Variants in MAMDC2 observed in about 807,000 individuals in gnomAD.
MAMDC2 encodes MAM domain containing 2.
Under a neutral mutation model 89.8 loss-of-function variants are expected in MAMDC2, and 57 were observed. The ratio of observed to expected loss-of-function variants is 0.63; its 90% CI spans 0.51 to 0.79. MAMDC2 has a LOEUF of 0.79. MAMDC2 is among the 30% of genes least tolerant of loss of function. The pLI is 0.00. For synonymous variants in MAMDC2, 313 were observed against 293.4 expected (o/e 1.07, Z -0.68); for missense variants, 800 against 820.6 (o/e 0.97, Z 0.31).
At position 70,113,082 on chromosome 9, in the gene MAMDC2, G is replaced by A. The variant is rs145652277; in HGVS notation, c.593G>A (p.Arg198Gln). 5.3e-5 allele frequency: 85 copies of A among 1,614,064 alleles called. No individual in the cohort carries two copies. The highest frequency in any genetic ancestry group is 2.2e-4 in the East Asian group (10 of 44,870). ...TGGTTTGTTGGAGGAGGAAGTATTC[G>A]GAATGTCCACTCCATTCTCCCACAG... ...VNWFVGGGSI[R>Q]NVHSILPQDH... Residue 198 changes from arginine (R) to glutamine (Q), a missense_variant, in exon 5 of 14, where the codon CGG (arginine) becomes CAG (glutamine). Transcript: ENST00000377182.
intron 2 of MAMDC2, among the ~76,000 whole-genome samples, chr9:70,058,172 C>T (rs1827065946): frequency 6.6e-6 from 1 of 152,190 alleles, no homozygotes; most frequent in South Asian, 2.1e-4. Flanking sequence ...TCACCAAACA[C>T]TGTGCTGAGT....
intron 2 of MAMDC2, among the ~76,000 whole-genome samples, chr9:70,096,199 G>C (rs1828023099): frequency 6.6e-6 from 1 of 151,886 alleles, no homozygotes; most frequent in Non-Finnish European, 1.5e-5. Context: ...TCTATGTACT[G>C]TAGAGATGGG....
chr9:70,139,457 T>TCC (rs2031125824), intron 7 of MAMDC2, among the ~76,000 whole-genome samples: 2 of 151,458 alleles, frequency 1.3e-5, no homozygotes, highest in Non-Finnish European at 2.9e-5. Context: ...AACTCATCAT[T>TCC]TTTTATGGCT....
At chr9:70,139,221 T>C (rs1414774993) in intron 7 of MAMDC2, among the ~76,000 whole-genome samples, 17 of 147,266 alleles carry the variant, frequency 1.2e-4, no homozygotes, top group Admixed American at 3.4e-4. Context: ...GCTGCACCCA[T>C]TAACTCGTCA....
chr9:70,081,744 G>A (rs1193067486), intron 2 of MAMDC2: 1 of 152,144 alleles, frequency 6.6e-6, no homozygotes, highest in Admixed American at 6.5e-5. Context: ...CTCCCAAAGA[G>A]TGTAGAAGCT....
intron 7 of MAMDC2, among the ~76,000 whole-genome samples, chr9:70,134,332 A>C (rs2030925286): frequency 8.8e-6 from 1 of 113,366 alleles, no homozygotes; most frequent in Admixed American, 1.1e-4. Flanking sequence ...ACCATCCCCC[A>C]CTTCCTTCTC....
chr9:70,148,655 G>A (rs1210231394), intron 9 of MAMDC2, among the ~76,000 whole-genome samples: 1 of 150,008 alleles, frequency 6.7e-6, no homozygotes, highest in Non-Finnish European at 1.5e-5. Flanking sequence ...AGCACTTTGG[G>A]AGGCCGAGAC....
chr9:70,162,187 A>C (rs773699957), intron 9 of MAMDC2, among the ~76,000 whole-genome samples: 1 of 152,208 alleles, frequency 6.6e-6, no homozygotes, highest in Non-Finnish European at 1.5e-5. Context: ...AGGTCATGGA[A>C]TCTACTCTAA....
chr9:70,140,243 G>A lies in MAMDC2; in HGVS notation c.1093G>A (p.Val365Ile), dbSNP rs1433090676. ...KEGPGWTRVKVKPNMYRAGDH... is the reference protein window; with the variant it reads ...KEGPGWTRVKIKPNMYRAGDH... ...AGGTCCAGGTTGGACCCGAGTGAAAGTAAAACCAAACATGTATCGGGCTGG... is the reference window on the plus strand; with the variant it reads ...AGGTCCAGGTTGGACCCGAGTGAAAATAAAACCAAACATGTATCGGGCTGG... Residue 365 changes from valine to isoleucine, a missense_variant, in exon 8 of 14, where the codon GTA becomes ATA. Physicochemically the swap from Val to Ile is conservative, Grantham distance 29. Coordinates refer to ENST00000377182, the MANE Select transcript of MAMDC2 (RefSeq NM_153267.5). 6 of 1,601,986 alleles carry A rather than the reference G, an allele frequency of 3.7e-6. No homozygotes were observed. Among genetic ancestry groups the A allele is most frequent in the Non-Finnish European group, 4.3e-6 (5 of 1,176,066 alleles).
intron 11 of MAMDC2, among the ~76,000 whole-genome samples, chr9:70,185,888 C>T (rs568645555): frequency 2.6e-4 from 40 of 152,242 alleles, no homozygotes; most frequent in African/African-American, 8.4e-4. Flanking sequence ...GGAAAGTGAA[C>T]GGTTCTGTCC....
chr9:70,142,699 G>A (rs543525933), intron 8 of MAMDC2, among the ~76,000 whole-genome samples: 1 of 152,286 alleles, frequency 6.6e-6, no homozygotes, highest in Non-Finnish European at 1.5e-5. Flanking sequence ...TCCTCTTGGT[G>A]TATGGAGGCA....
At chr9:70,204,321 G>C (rs923628530) in intron 11 of MAMDC2, among the ~76,000 whole-genome samples, 1 of 151,968 alleles carries the variant, frequency 6.6e-6, no homozygotes, top group Non-Finnish European at 1.5e-5. Context: ...TACTGTGTGA[G>C]GTGTCAGTGT....
intron 11 of MAMDC2, among the ~76,000 whole-genome samples, chr9:70,215,162 T>A (rs1477698278): frequency 6.6e-6 from 1 of 151,256 alleles, no homozygotes; most frequent in African/African-American, 2.4e-5. Context: ...AGCAAAGGAG[T>A]CACCAGTGAG....
intron 9 of MAMDC2, among the ~76,000 whole-genome samples, chr9:70,155,998 G>C (rs61265226): frequency 0.069 from 10,478 of 152,212 alleles, 576 homozygotes; most frequent in East Asian, 0.22. Flanking sequence ...CATTTACTAT[G>C]TAAATCAGAA....
At chr9:70,107,718 A>G (rs1260887109) in intron 2 of MAMDC2, among the ~76,000 whole-genome samples, 1 of 152,222 alleles carries the variant, frequency 6.6e-6, no homozygotes, top group Non-Finnish European at 1.5e-5. Context: ...AGTTAAATGC[A>G]GATTGAAACA....
At chr9:70,090,568 A>G (rs1471024095) in intron 2 of MAMDC2, 2 of 151,930 alleles carry the variant, frequency 1.3e-5, no homozygotes, top group Non-Finnish European at 2.9e-5. Flanking sequence ...TTTTTTATCT[A>G]TCAAATTGTT....
intron 11 of MAMDC2, among the ~76,000 whole-genome samples, chr9:70,189,519 GT>G (rs1294776001): frequency 6.6e-6 from 1 of 152,076 alleles, no homozygotes; most frequent in African/African-American, 2.4e-5. Context: ...TTTGCTCATT[GT>G]CTTTGGCTTG....
chr9:70,174,612 G>A (rs145842335), intron 11 of MAMDC2, among the ~76,000 whole-genome samples: 285 of 152,234 alleles, frequency 1.9e-3, no homozygotes, highest in African/African-American at 6.6e-3. Flanking sequence ...ACAGCAAGGC[G>A]GCTGGTTTAG....
chr9:70,120,354 C>T (rs1488784655), intron 5 of MAMDC2, among the ~76,000 whole-genome samples: 4 of 152,152 alleles, frequency 2.6e-5, no homozygotes, highest in Admixed American at 2.6e-4. Flanking sequence ...GAAATTTCTG[C>T]TCAAAAGGGA....
Sources: allele counts gnomAD v4.1 joint callset (sites outside exome capture counted in the v4.1 genomes callset), GRCh38; gene constraint gnomAD v4.1.1; transcripts MANE v1.5; gene names NCBI Gene and HGNC (gene_info 2026-07-23, HGNC 2026-07-21).